The following GRID2 variants were observed in gnomAD, a reference collection of about 807,000 sequenced individuals.
GRID2 encodes the protein glutamate receptor ionotropic, delta-2.
A neutral mutation model predicts 114.8 loss-of-function variants in GRID2; 33 were observed. That is an observed-to-expected ratio of 0.29 (90% CI 0.22 to 0.38). GRID2 has a LOEUF of 0.38. Among genes scored for constraint, GRID2 ranks in the 10% least tolerant of loss-of-function variants. GRID2 has a pLI of 1.00. For synonymous variants in GRID2, 505 were observed against 449.9 expected (o/e 1.12, Z -1.55); for missense variants, 1,184 against 1,257.7 (o/e 0.94, Z 0.89).
chr4:92,498,288 T>C (rs939512129), intron 1 of GRID2, among the ~76,000 whole-genome samples: 17 of 151,856 alleles, frequency 1.1e-4, no homozygotes, highest in Non-Finnish European at 8.8e-5. Context: ...CACAATTGGA[T>C]TGCAAAATAT....
At chr4:92,872,845 T>A (rs1745370625) in intron 2 of GRID2, among the ~76,000 whole-genome samples, 1 of 152,226 alleles carries the variant, frequency 6.6e-6, no homozygotes, top group African/African-American at 2.4e-5. Context: ...TGAATATGCC[T>A]AAGGGCAGGA....
chr4:92,398,840 A>T (rs192020190), intron 1 of GRID2, among the ~76,000 whole-genome samples: 2 of 152,330 alleles, frequency 1.3e-5, no homozygotes, highest in African/African-American at 2.4e-5. Flanking sequence ...TAAAAAATGC[A>T]TATAATTTAA....
At chr4:92,666,949 A>C (rs1214926875) in intron 2 of GRID2, among the ~76,000 whole-genome samples, 1 of 151,450 alleles carries the variant, frequency 6.6e-6, no homozygotes, top group Admixed American at 6.6e-5. Context: ...ACAGCAATTA[A>C]TGATCAGAAC....
intron 2 of GRID2, among the ~76,000 whole-genome samples, chr4:92,921,111 A>G (rs1255503454): frequency 3.3e-5 from 5 of 151,696 alleles, no homozygotes; most frequent in African/African-American, 4.9e-5. Context: ...ATCTTTCATC[A>G]CTGATACCCT....
intron 4 of GRID2, among the ~76,000 whole-genome samples, chr4:93,149,872 G>A (rs1430358399): frequency 1.3e-5 from 2 of 151,900 alleles, no homozygotes; most frequent in Non-Finnish European, 2.9e-5. Flanking sequence ...TTGGCTTCAA[G>A]TGATCCTCCT....
chr4:93,253,349 A>C (rs1268411286), intron 8 of GRID2, among the ~76,000 whole-genome samples: 1 of 152,158 alleles, frequency 6.6e-6, no homozygotes, highest in Non-Finnish European at 1.5e-5. Context: ...CCTTTGGTGA[A>C]AGTTTGAAAC....
intron 2 of GRID2, among the ~76,000 whole-genome samples, chr4:92,879,676 T>A (rs902429543): frequency 2.0e-5 from 3 of 152,248 alleles, no homozygotes; most frequent in African/African-American, 7.2e-5. Context: ...TTAAACCAAC[T>A]AATCAATCAT....
intron 14 of GRID2, among the ~76,000 whole-genome samples, chr4:93,650,917 A>T (rs78625453): frequency 1.3e-5 from 2 of 151,904 alleles, no homozygotes; most frequent in African/African-American, 2.4e-5. Context: ...TGCAAAAAAA[A>T]ATTCATTCTG....
intron 1 of GRID2, among the ~76,000 whole-genome samples, chr4:92,435,329 T>G (rs1420310503): frequency 6.6e-6 from 1 of 152,198 alleles, no homozygotes; most frequent in African/African-American, 2.4e-5. Flanking sequence ...ATGTAACTAT[T>G]CAAAACAGAA....
At chr4:93,591,116 G>A (rs1479852264) in intron 13 of GRID2, among the ~76,000 whole-genome samples, 1 of 143,780 alleles carries the variant, frequency 7.0e-6, no homozygotes, top group Non-Finnish European at 1.5e-5. Flanking sequence ...GTGAGAGAGG[G>A]CATCCCTGTC....
intron 13 of GRID2, among the ~76,000 whole-genome samples, chr4:93,598,326 C>G (rs988236761): frequency 6.6e-6 from 1 of 152,134 alleles, no homozygotes; most frequent in African/African-American, 2.4e-5. Context: ...CCCCCATAGT[C>G]CACTGTCTCT....
At chr4:93,022,204 A>G (rs931130650) in intron 2 of GRID2, among the ~76,000 whole-genome samples, 2 of 151,902 alleles carry the variant, frequency 1.3e-5, no homozygotes, top group Non-Finnish European at 2.9e-5. Context: ...ACATACGCAT[A>G]TACACACACA....
At chr4:93,002,937 G>A (rs773028458) in intron 2 of GRID2, among the ~76,000 whole-genome samples, 29 of 151,758 alleles carry the variant, frequency 1.9e-4, no homozygotes, top group Middle Eastern at 3.4e-3. Context: ...TTTCACACAC[G>A]ACTACATCCT....
At chr4:93,397,862 G>A (rs894578167) in intron 9 of GRID2, among the ~76,000 whole-genome samples, 3 of 151,606 alleles carry the variant, frequency 2.0e-5, no homozygotes, top group Non-Finnish European at 4.4e-5. Context: ...TGGCTCTACC[G>A]AATTATATAT....
chr4:92,556,390 T>C (rs775990769), intron 1 of GRID2, among the ~76,000 whole-genome samples: 88 of 152,148 alleles, frequency 5.8e-4, no homozygotes, highest in Admixed American at 2.6e-4. Flanking sequence ...TTTTAGAACA[T>C]TATCCTAGTT....
intron 2 of GRID2, among the ~76,000 whole-genome samples, chr4:92,767,932 AT>A (rs1738346044): frequency 6.6e-6 from 1 of 151,700 alleles, no homozygotes; most frequent in Non-Finnish European, 1.5e-5. Context: ...AAAAAAAAAA[AT>A]TTAATAGTGC....
intron 1 of GRID2, among the ~76,000 whole-genome samples, chr4:92,399,661 CTCTCTA>C (rs1418408427): frequency 0.027 from 3,795 of 139,562 alleles, 144 homozygotes; most frequent in African/African-American, 0.099. Flanking sequence ...CTCTCTCTCT[CTCTCTA>C]TATATATATA....
At chr4:92,648,463 T>G (rs1579761111) in intron 2 of GRID2, among the ~76,000 whole-genome samples, 1 of 149,762 alleles carries the variant, frequency 6.7e-6, no homozygotes, top group South Asian at 2.1e-4. Context: ...GTAGTTTAAT[T>G]TAATAAACAA....
At chr4:92,870,246 ATATAT>A (rs898118311) in intron 2 of GRID2, among the ~76,000 whole-genome samples, 2 of 151,142 alleles carry the variant, frequency 1.3e-5, no homozygotes, top group African/African-American at 2.4e-5. Flanking sequence ...TATATATATA[ATATAT>A]TAAGTACATT....
Sources: gnomAD v4.1 joint callset for allele counts (sites outside exome capture counted in the v4.1 genomes callset) on GRCh38, gnomAD v4.1.1 for gene constraint, MANE v1.5 for transcripts, NCBI Gene and HGNC (gene_info 2026-07-23, HGNC 2026-07-21) for gene names.